The following H2BC18 variants were observed in gnomAD, a reference collection of about 807,000 sequenced individuals.
The protein encoded by H2BC18 is histone H2B type 2-F.
A neutral mutation model predicts 6.3 loss-of-function variants in H2BC18; 8 were observed. The ratio of observed to expected loss-of-function variants is 1.28; its 90% CI spans 0.75 to 2.31. The LOEUF is 2.31. Among genes scored for constraint, H2BC18 ranks in the 30% most tolerant of loss-of-function variants. H2BC18 has a pLI of 0.00. For synonymous variants in H2BC18, 104 were observed against 78.1 expected, an observed-to-expected ratio of 1.33 and a Z score of -1.75; for missense variants, 106 against 174.5, an observed-to-expected ratio of 0.61 and a Z score of 2.21.
intron 1 of H2BC18, chr1:149,785,601 T>G (rs1362524815): frequency 6.6e-6 from 1 of 151,802 alleles, no homozygotes; most frequent in Non-Finnish European, 1.5e-5. Context: ...GAGTCCATTT[T>G]CTTTACCTCT....
At chr1:149,795,981 A>T (rs2091796128) in intron 1 of H2BC18, among the ~76,000 whole-genome samples, 1 of 151,400 alleles carries the variant, frequency 6.6e-6, no homozygotes, top group Non-Finnish European at 1.5e-5. Flanking sequence ...TCACACACAC[A>T]CAAAGCTAGT....
chr1:149,795,997 GA>G (rs1419805717), intron 1 of H2BC18, among the ~76,000 whole-genome samples: 1 of 151,452 alleles, frequency 6.6e-6, no homozygotes, highest in East Asian at 1.9e-4. Context: ...CTAGTAATGT[GA>G]AAATCTGGTC....
At chr1:149,791,531 G>T (rs1553751928) in intron 1 of H2BC18, 2 of 1,610,428 alleles carry the variant, frequency 1.2e-6, no homozygotes. Flanking sequence ...CGGCTCAGTG[G>T]GTGGCCATCG....
downstream of H2BC18, among the ~76,000 whole-genome samples, chr1:149,808,734 C>T (rs587670785): frequency 7.9e-5 from 12 of 151,876 alleles, no homozygotes; most frequent in East Asian, 2.3e-3. Context: ...CTATTTTTGC[C>T]AAGTCATATG....
chr1:149,798,563 A>G (rs1292734019), intron 1 of H2BC18, among the ~76,000 whole-genome samples: 3 of 151,602 alleles, frequency 2.0e-5, no homozygotes, highest in Non-Finnish European at 4.4e-5. Flanking sequence ...CACTACCTTT[A>G]TGAATATGAT....
intron 1 of H2BC18, chr1:149,788,544 C>T: frequency 6.2e-7 from 1 of 1,613,944 alleles, no homozygotes; most frequent in East Asian, 2.2e-5. Flanking sequence ...ACATAAGTCA[C>T]AATGGCACCT....
downstream of H2BC18, chr1:149,811,513 A>G (rs1397165874): frequency 5.0e-6 from 1 of 198,130 alleles, no homozygotes; most frequent in African/African-American, 2.4e-5. Flanking sequence ...AAATAGTAAG[A>G]GGTCGGACCG....
chr1:149,810,484 CA>C (rs1326294508), downstream of H2BC18: 1 of 151,904 alleles, frequency 6.6e-6, no homozygotes, highest in Admixed American at 6.6e-5. Flanking sequence ...ATTTTAAGCA[CA>C]AAGTTGTTAA....
At chr1:149,789,323 G>T (rs150770423) in intron 1 of H2BC18, among the ~76,000 whole-genome samples, 8,176 of 152,040 alleles carry the variant, frequency 0.054, 307 homozygotes, top group Non-Finnish European at 0.081. Flanking sequence ...AACCCGGGAA[G>T]CGGAGCTTGC....
At chr1:149,804,617 G>C (rs1442800904) in intron 1 of H2BC18, among the ~76,000 whole-genome samples, 1 of 149,008 alleles carries the variant, frequency 6.7e-6, no homozygotes, top group Non-Finnish European at 1.5e-5. Context: ...ACAATAATAA[G>C]AACAACACTG....
chr1:149,799,523 A>G (rs1410242248), intron 1 of H2BC18, among the ~76,000 whole-genome samples: 1 of 152,060 alleles, frequency 6.6e-6, no homozygotes, highest in Non-Finnish European at 1.5e-5. Context: ...ATGGTTGCAT[A>G]CTACACAATA....
downstream of H2BC18, chr1:149,810,297 C>T (rs587667216): frequency 1.3e-3 from 194 of 151,686 alleles, 2 homozygotes; most frequent in African/African-American, 4.0e-3. Context: ...TTACTTTCAA[C>T]GGAAATTTTG....
intron 1 of H2BC18, chr1:149,784,257 G>T (rs1289545734): frequency 6.2e-7 from 1 of 1,611,052 alleles, no homozygotes; most frequent in Non-Finnish European, 8.5e-7. Context: ...AATCCACAGA[G>T]GTAATTATGA....
chr1:149,784,719 T>TAC (rs1361035762), intron 1 of H2BC18, among the ~76,000 whole-genome samples: 2 of 129,426 alleles, frequency 1.5e-5, no homozygotes, highest in African/African-American at 5.6e-5. Context: ...TATATATATA[T>TAC]ACACACATAT....
At chr1:149,788,478 T>C (rs2091610758) in intron 1 of H2BC18, 1 of 1,613,782 alleles carries the variant, frequency 6.2e-7, no homozygotes, top group Non-Finnish European at 8.5e-7. Flanking sequence ...ACTATCGAAA[T>C]GGCAAAGCCT....
downstream of H2BC18, among the ~76,000 whole-genome samples, chr1:149,809,305 A>G (rs1286311712): frequency 7.4e-6 from 1 of 135,148 alleles, no homozygotes; most frequent in East Asian, 2.1e-4. Context: ...TTTTAGCTAC[A>G]TAGATACATC....
At chr1:149,805,990 C>A (rs1364957956) in intron 1 of H2BC18, among the ~76,000 whole-genome samples, 2 of 152,074 alleles carry the variant, frequency 1.3e-5, no homozygotes, top group Non-Finnish European at 2.9e-5. Flanking sequence ...GCCCCAATTC[C>A]TGCCATCACA....
intron 1 of H2BC18, among the ~76,000 whole-genome samples, chr1:149,785,416 T>G (rs1439275609): frequency 7.5e-6 from 1 of 132,750 alleles, no homozygotes; most frequent in African/African-American, 2.8e-5. Context: ...TCGTTTTTTT[T>G]TTTTTTTTTT....
intron 1 of H2BC18, among the ~76,000 whole-genome samples, chr1:149,799,110 A>G (rs1300706589): frequency 7.0e-6 from 1 of 142,310 alleles, no homozygotes; most frequent in Non-Finnish European, 1.5e-5. Context: ...TTTACCAAAT[A>G]CATGACCACC....
Sources: allele counts gnomAD v4.1 joint callset (sites outside exome capture counted in the v4.1 genomes callset), GRCh38; gene constraint gnomAD v4.1.1; transcripts MANE v1.5; gene names NCBI Gene and HGNC (gene_info 2026-07-23, HGNC 2026-07-21).